Variants in GPC5 observed in about 807,000 individuals in gnomAD.
The protein encoded by GPC5 is glypican-5.
In GPC5, 47 loss-of-function variants were observed where a neutral mutation model predicts 53.9. The ratio of observed to expected loss-of-function variants is 0.87; its 90% CI spans 0.69 to 1.11. The LOEUF (loss-of-function observed/expected upper bound fraction) is 1.11. GPC5 is among the 50% of genes most tolerant of loss of function. The pLI is 0.00. For missense variants in GPC5, 748 were observed against 713.1 expected, an observed-to-expected ratio of 1.05 and a Z score of -0.56; for synonymous variants, 286 against 263.3, an observed-to-expected ratio of 1.09 and a Z score of -0.84.
At chr13:91,493,913 C>T (rs1884082673) in intron 2 of GPC5, among the ~76,000 whole-genome samples, 1 of 152,056 alleles carries the variant, frequency 6.6e-6, no homozygotes, top group Non-Finnish European at 1.5e-5. Context: ...CTCACTCTGT[C>T]ACCAGGCTGG....
chr13:91,476,359 C>T (rs900882969), intron 2 of GPC5, among the ~76,000 whole-genome samples: 3 of 152,160 alleles, frequency 2.0e-5, no homozygotes, highest in Admixed American at 6.6e-5. Context: ...AAATGAGACT[C>T]AGAAAGGCTA....
At chr13:92,522,991 G>A (rs1411409518) in intron 7 of GPC5, among the ~76,000 whole-genome samples, 3 of 152,056 alleles carry the variant, frequency 2.0e-5, no homozygotes, top group Non-Finnish European at 4.4e-5. Context: ...ATTAGACTGT[G>A]CAAGAATGAA....
intron 7 of GPC5, among the ~76,000 whole-genome samples, chr13:92,612,202 A>G (rs1348698109): frequency 6.6e-6 from 1 of 152,100 alleles, no homozygotes; most frequent in Non-Finnish European, 1.5e-5. Context: ...AATAATACAT[A>G]ATGCTAGCGA....
At chr13:91,946,464 A>C (rs940742791) in intron 6 of GPC5, among the ~76,000 whole-genome samples, 9 of 151,882 alleles carry the variant, frequency 5.9e-5, no homozygotes, top group African/African-American at 1.9e-4. Context: ...TATATATAAA[A>C]CGCAATTTCA....
intron 7 of GPC5, among the ~76,000 whole-genome samples, chr13:92,360,787 A>G (rs1163701380): frequency 6.6e-6 from 1 of 151,856 alleles, no homozygotes; most frequent in Admixed American, 6.5e-5. Context: ...AAGTTTCAGG[A>G]TACAAAATCA....
At chr13:92,031,745 A>C (rs1253182617) in intron 6 of GPC5, among the ~76,000 whole-genome samples, 4 of 86,164 alleles carry the variant, frequency 4.6e-5, no homozygotes, top group African/African-American at 1.6e-4. Flanking sequence ...ATTATATATA[A>C]TATATATTAT....
Position 92,367,347 on chromosome 13 carries a change from G to C in GPC5, c.1561+222358G>C, listed in dbSNP as rs546966066. On this transcript the variant is annotated intron_variant, in intron 7 of 7. Transcript: ENST00000377067. ...TAAGCATGATGCTTTCCTTTAGAGT[G>C]ACCTTCTAGAAGATCTTAGATCATT... 3.3e-5 allele frequency among the ~76,000 whole-genome samples: 5 copies of C among 152,218 alleles called. No homozygotes were observed. In the South Asian group the frequency reaches 1.0e-3, roughly 32 times the overall value.
At chr13:92,464,231 A>T (rs536305145) in intron 7 of GPC5, among the ~76,000 whole-genome samples, 9 of 152,280 alleles carry the variant, frequency 5.9e-5, no homozygotes, top group African/African-American at 1.9e-4. Flanking sequence ...CCAGAGTTTT[A>T]TGTGTTGCTT....
chr13:92,307,956 CATTTTT>C (rs2043121698), intron 7 of GPC5, among the ~76,000 whole-genome samples: 1 of 152,100 alleles, frequency 6.6e-6, no homozygotes, highest in Non-Finnish European at 1.5e-5. Context: ...GGTGGGGCTA[CATTTTT>C]TATTGTCAGA....
chr13:92,860,690 G>A (rs12431222), intron 7 of GPC5, among the ~76,000 whole-genome samples: 20,078 of 151,924 alleles, frequency 0.13, 1,712 homozygotes, highest in East Asian at 0.36. Flanking sequence ...AATAAGATTC[G>A]TAGCAATTTT....
intron 3 of GPC5, among the ~76,000 whole-genome samples, chr13:91,695,615 C>A (rs1363230410): frequency 2.6e-5 from 4 of 151,934 alleles, no homozygotes; most frequent in Non-Finnish European, 5.9e-5. Flanking sequence ...GACCTCGTGA[C>A]CTGCCCGCCT....
chr13:92,752,806 A>C (rs1342712635), intron 7 of GPC5, among the ~76,000 whole-genome samples: 1 of 152,140 alleles, frequency 6.6e-6, no homozygotes, highest in African/African-American at 2.4e-5. Flanking sequence ...GCGCACCACG[A>C]GATTATATCC....
At chr13:92,248,202 GAA>G (rs56862631) in intron 7 of GPC5, among the ~76,000 whole-genome samples, 13,620 of 148,360 alleles carry the variant, frequency 0.092, 738 homozygotes, top group East Asian at 0.18. Flanking sequence ...ATGGCCATAG[GAA>G]AAAAAAAAAA....
chr13:91,891,406 T>C (rs1366105266), intron 5 of GPC5, among the ~76,000 whole-genome samples: 2 of 152,170 alleles, frequency 1.3e-5, no homozygotes, highest in Non-Finnish European at 2.9e-5. Context: ...CATGTTCTTG[T>C]ATATTATGTT....
intron 7 of GPC5, among the ~76,000 whole-genome samples, chr13:92,784,922 T>G (rs1876160731): frequency 6.6e-6 from 1 of 152,160 alleles, no homozygotes; most frequent in Admixed American, 6.5e-5. Context: ...ATTTAGATAT[T>G]TGATATCTTA....
chr13:92,337,691 G>A (rs2043334454), intron 7 of GPC5, among the ~76,000 whole-genome samples: 1 of 152,136 alleles, frequency 6.6e-6, no homozygotes, highest in Admixed American at 6.6e-5. Context: ...AGGAGCAAAG[G>A]AAATGCGATG....
At chr13:91,787,105 T>C (rs2037891909) in intron 5 of GPC5, among the ~76,000 whole-genome samples, 1 of 152,336 alleles carries the variant, frequency 6.6e-6, no homozygotes, top group East Asian at 1.9e-4. Context: ...TTTTAGATTC[T>C]ATAGGATTTT....
intron 7 of GPC5, among the ~76,000 whole-genome samples, chr13:92,788,522 A>G (rs980529174): frequency 6.6e-6 from 1 of 152,216 alleles, no homozygotes; most frequent in African/African-American, 2.4e-5. Context: ...TTAAGTACTT[A>G]AAATCTAAAT....
intron 2 of GPC5, among the ~76,000 whole-genome samples, chr13:91,649,915 G>T (rs1357464074): frequency 6.6e-6 from 1 of 152,018 alleles, no homozygotes; most frequent in Non-Finnish European, 1.5e-5. Context: ...AAAATACATA[G>T]ATTTTTTTAA....
Sources: allele counts gnomAD v4.1 joint callset (sites outside exome capture counted in the v4.1 genomes callset), GRCh38; gene constraint gnomAD v4.1.1; transcripts MANE v1.5; gene names NCBI Gene and HGNC (gene_info 2026-07-23, HGNC 2026-07-21).